Variants in ASTN2 observed in about 807,000 individuals in gnomAD.
ASTN2 encodes astrotactin 2.
In ASTN2, 54 loss-of-function variants were observed where a neutral mutation model predicts 139.8. The observed-to-expected ratio is 0.39, with a 90% CI of 0.31 to 0.48. The LOEUF (loss-of-function observed/expected upper bound fraction) is 0.48, where lower values mean the gene tolerates loss of function less well. Ranked by LOEUF, ASTN2 falls within the 20% of genes least tolerant of loss-of-function variation. The pLI, the probability that ASTN2 is intolerant of heterozygous loss-of-function variation, is 0.95. For missense variants in ASTN2, 1,565 were observed against 1,725.1 expected (o/e 0.91, Z 1.64); for synonymous variants, 756 against 719.5 (o/e 1.05, Z -0.81).
chr9:116,507,194 G>A (rs1204846413), intron 19 of ASTN2, among the ~76,000 whole-genome samples: 1 of 152,172 alleles, frequency 6.6e-6, no homozygotes, highest in Non-Finnish European at 1.5e-5. Context: ...TACACCAATA[G>A]TGAGCAACAG....
intron 11 of ASTN2, among the ~76,000 whole-genome samples, chr9:116,842,295 A>G (rs1477345718): frequency 1.3e-5 from 2 of 152,198 alleles, no homozygotes; most frequent in African/African-American, 2.4e-5. Context: ...TGCACCTACC[A>G]TAAGCTGGAT....
At chr9:117,267,497 T>C (rs1057314760) in intron 2 of ASTN2, among the ~76,000 whole-genome samples, 9 of 152,318 alleles carry the variant, frequency 5.9e-5, no homozygotes, top group Admixed American at 3.3e-4. Context: ...TACATACACA[T>C]ATACTATGTT....
intron 1 of ASTN2, among the ~76,000 whole-genome samples, chr9:117,410,840 G>A (rs1831138510): frequency 6.6e-6 from 1 of 152,156 alleles, no homozygotes; most frequent in African/African-American, 2.4e-5. Flanking sequence ...CAAGAGTCAT[G>A]AAACTTTGAG....
chr9:117,189,255 A>T (rs1365838256), intron 3 of ASTN2, among the ~76,000 whole-genome samples: 1 of 152,160 alleles, frequency 6.6e-6, no homozygotes, highest in Non-Finnish European at 1.5e-5. Flanking sequence ...AGTCAGGGAT[A>T]TATTCATTTG....
At chr9:116,488,678 A>C (rs1001854741) in intron 19 of ASTN2, among the ~76,000 whole-genome samples, 1 of 152,198 alleles carries the variant, frequency 6.6e-6, no homozygotes, top group Non-Finnish European at 1.5e-5. Context: ...ATTACAAAAT[A>C]ATCTCATTTT....
chr9:116,565,385 CTCCATATATATATATA>C (rs199757756), intron 19 of ASTN2, among the ~76,000 whole-genome samples: 585 of 30,724 alleles, frequency 0.019, 14 homozygotes, highest in African/African-American at 0.051. Context: ...CTCTCTCTCT[CTCCATATATATATATA>C]TATATATATA....
chr9:116,750,629 A>C (rs1286100214), intron 13 of ASTN2, among the ~76,000 whole-genome samples: 1 of 152,190 alleles, frequency 6.6e-6, no homozygotes, highest in African/African-American at 2.4e-5. Context: ...AGGCAGTAGA[A>C]AGACAGTAAT....
chr9:117,001,647 C>T (rs965692067), intron 7 of ASTN2, among the ~76,000 whole-genome samples: 2 of 152,106 alleles, frequency 1.3e-5, no homozygotes, highest in African/African-American at 4.8e-5. Flanking sequence ...AAATCAAGTT[C>T]CCTCTGCTAA....
chr9:116,744,048 T>G (rs1829168795), intron 13 of ASTN2, among the ~76,000 whole-genome samples: 1 of 151,946 alleles, frequency 6.6e-6, no homozygotes, highest in Non-Finnish European at 1.5e-5. Context: ...GAAGGCTCCC[T>G]GGAGGAGGTG....
intron 4 of ASTN2, among the ~76,000 whole-genome samples, chr9:117,123,645 C>G (rs891148575): frequency 1.3e-5 from 2 of 152,116 alleles, no homozygotes; most frequent in African/African-American, 2.4e-5. Flanking sequence ...TCTACTGGCT[C>G]TAGCCCTTAT....
intron 1 of ASTN2, among the ~76,000 whole-genome samples, chr9:117,411,768 G>T (rs1393003759): frequency 6.6e-6 from 1 of 152,132 alleles, no homozygotes; most frequent in African/African-American, 2.4e-5. Context: ...CCCACTATTG[G>T]CAGAGTTTGG....
intron 20 of ASTN2, among the ~76,000 whole-genome samples, chr9:116,473,016 C>A (rs1848865217): frequency 1.3e-5 from 2 of 151,958 alleles, no homozygotes; most frequent in African/African-American, 4.8e-5. Context: ...TCTTAGTTTC[C>A]TTGCCTGTAA....
chr9:116,509,586 T>C (rs1280296107), intron 19 of ASTN2, among the ~76,000 whole-genome samples: 1 of 152,222 alleles, frequency 6.6e-6, no homozygotes, highest in Non-Finnish European at 1.5e-5. Flanking sequence ...ATCACCACAC[T>C]GTCTTCCACA....
At chr9:116,690,130 T>C (rs1166849639) in intron 16 of ASTN2, among the ~76,000 whole-genome samples, 1 of 152,210 alleles carries the variant, frequency 6.6e-6, no homozygotes, top group Admixed American at 6.5e-5. Flanking sequence ...AAATCAGCCC[T>C]GTCTAAACTC....
chr9:117,263,233 T>C (rs774390719), intron 2 of ASTN2, among the ~76,000 whole-genome samples: 8 of 152,182 alleles, frequency 5.3e-5, no homozygotes, highest in South Asian at 4.1e-4. Flanking sequence ...AAAGTAATCT[T>C]ATGACCGGGA....
intron 5 of ASTN2, among the ~76,000 whole-genome samples, chr9:117,050,394 T>G (rs1031602892): frequency 3.3e-5 from 5 of 152,068 alleles, no homozygotes; most frequent in African/African-American, 4.8e-5. Context: ...TATTTAGTAT[T>G]TACTAGGCCT....
intron 3 of ASTN2, among the ~76,000 whole-genome samples, chr9:117,149,262 C>G (rs1686062373): frequency 6.6e-6 from 1 of 152,120 alleles, no homozygotes; most frequent in Non-Finnish European, 1.5e-5. Flanking sequence ...TCGTGATCCA[C>G]CTGCCTCAGC....
intron 19 of ASTN2, among the ~76,000 whole-genome samples, chr9:116,589,802 T>C (rs998951535): frequency 6.6e-6 from 1 of 152,192 alleles, no homozygotes; most frequent in African/African-American, 2.4e-5. Context: ...GAGCCTGTCA[T>C]ACCAATCAGA....
At chr9:116,589,220 A>G (rs1397483233) in intron 19 of ASTN2, among the ~76,000 whole-genome samples, 1 of 152,218 alleles carries the variant, frequency 6.6e-6, no homozygotes, top group African/African-American at 2.4e-5. Flanking sequence ...ATAGATTGCA[A>G]TTAAAGATGT....
Sources: allele counts gnomAD v4.1 joint callset (sites outside exome capture counted in the v4.1 genomes callset), GRCh38; gene constraint gnomAD v4.1.1; transcripts MANE v1.5; gene names NCBI Gene and HGNC (gene_info 2026-07-23, HGNC 2026-07-21).